Variants in PCK2 observed in about 807,000 individuals in gnomAD.
PCK2 encodes the protein phosphoenolpyruvate carboxykinase 2, mitochondrial.
PCK2 carries 56 observed loss-of-function variants against 65.9 expected under a neutral mutation model. The observed-to-expected ratio is 0.85, with a 90% CI of 0.69 to 1.06. The LOEUF (loss-of-function observed/expected upper bound fraction) is 1.06, where lower values mean the gene tolerates loss of function less well. Among genes scored for constraint, PCK2 ranks in the 50% least tolerant of loss-of-function variants. PCK2 has a pLI of 0.00. For missense variants in PCK2, 843 were observed against 863.1 expected (o/e 0.98, Z 0.29); for synonymous variants, 305 against 319.6 (o/e 0.95, Z 0.49).
chr14:24,103,832 C>A lies in PCK2; in HGVS notation c.1791C>A (p.Ser597=), dbSNP rs544648134. ...CTATAGACACCACTCAGCTGTTCTC[C>A]CTCCCCAAGGACTTCTGGGAACAGG... ...LRAIDTTQLF[S]LPKDFWEQEV... The change falls in exon 10 of 10, where the codon TCC becomes TCA. Residue 597 remains serine (S), a synonymous_variant. Transcript: ENST00000216780. 42 of 1,614,124 alleles carry A rather than the reference C, an allele frequency of 2.6e-5. No homozygotes were observed. The South Asian group carries it at 4.5e-4, about 17-fold the overall frequency.
chr14:24,098,352 G>T lies in PCK2; in HGVS notation c.425G>T (p.Arg142Leu). The change falls in exon 3 of 10, where the codon CGA (arginine) becomes CTA (leucine). Residue 142 changes from arginine to leucine, a missense_variant. Transcript: ENST00000216780. The part of the protein sequence containing the change: ...GNWMSPADFQ[R>L]AVDERFPGCM... ...TGGATGTCCCCAGCTGATTTCCAGC[G>T]AGCTGTGGATGAGAGGTTTCCAGGC... is the stretch of plus-strand genomic sequence containing the variant. The T allele has an allele frequency of 6.2e-7, 1 of 1,613,476 alleles. No homozygotes were observed. Among genetic ancestry groups the T allele is most frequent in the Non-Finnish European group, 8.5e-7 (1 of 1,179,534 alleles).
chr14:24,095,358 C>G (rs1017066823), intron 1 of PCK2: 9 of 408,994 alleles, frequency 2.2e-5, no homozygotes, highest in Middle Eastern at 8.0e-4. Flanking sequence ...GAACTTCCCT[C>G]TGAGGCAGGA....
At chr14:24,098,181 C>T (rs1279964238) in intron 2 of PCK2, 22 bp from the exon 3 acceptor site, 7 of 1,572,872 alleles carry the variant, frequency 4.5e-6, no homozygotes, top group Non-Finnish European at 6.1e-6. Flanking sequence ...CACCATCTTC[C>T]TGACAATCCC....
At position 24,103,648 on chromosome 14, in the gene PCK2, G is replaced by A. The variant is rs528726822; in HGVS notation, c.1607G>A (p.Arg536Gln). 152 of 1,614,188 alleles carry A rather than the reference G, an allele frequency of 9.4e-5. No homozygotes were observed. The highest frequency in any genetic ancestry group is 1.1e-4 in the Non-Finnish European group (131 of 1,180,020). The change falls in exon 10 of 10, where the codon CGG becomes CAG. Residue 536 changes from arginine (R) to glutamine (Q), a missense_variant. Coordinates refer to ENST00000216780, the MANE Select transcript of PCK2 (RefSeq NM_004563.4). The part of the protein sequence containing the change: ...LPRIFHVNWF[R>Q]RDEAGHFLWP... ...CGTATCTTCCATGTCAACTGGTTCC[G>A]GCGTGACGAGGCAGGGCACTTCCTG...
At chr14:24,098,807 C>A in intron 4 of PCK2, 129 bp downstream of exon 4, 1 of 789,638 alleles carries the variant, frequency 1.3e-6, no homozygotes, top group Non-Finnish European at 2.1e-6. Flanking sequence ...AGATCCAGAG[C>A]AGCAGTCCCA....
In PCK2 at chr14:24,098,215, C is replaced by T; in HGVS notation, c.288C>T (p.Arg96=). ...LPKYNNCWLA[R]TDPKDVARVE... ...CCCTCTCCCCCAGCTGGCTGGCCCGCACAGACCCCAAGGATGTGGCACGAG... is the reference window on the plus strand; with the variant it reads ...CCCTCTCCCCCAGCTGGCTGGCCCGTACAGACCCCAAGGATGTGGCACGAG... Residue 96 remains arginine (R), a synonymous_variant, in exon 3 of 10, where the codon CGC becomes CGT. Transcript: ENST00000216780. The T allele has an allele frequency of 6.2e-7, 1 of 1,610,138 alleles. No individual in the cohort carries two copies. The highest frequency in any genetic ancestry group is 8.5e-7 in the Non-Finnish European group (1 of 1,177,318).
In PCK2 at chr14:24,100,144, G is replaced by A; in HGVS notation, c.1165G>A (p.Glu389Lys). Residue 389 changes from glutamate (E) to lysine (K), a missense_variant, in exon 7 of 10, where the codon GAG (glutamate) becomes AAG (lysine). Physicochemically the swap from Glu to Lys is moderately conservative, Grantham distance 56 (BLOSUM62 1). Coordinates refer to ENST00000216780, the MANE Select transcript of PCK2 (RefSeq NM_004563.4). ...GACCAGTGATGGTGGCGTGTACTGG[G>A]AGGGCATTGACCAGCCTCTTCCACC... is the stretch of plus-strand genomic sequence containing the variant. ...AETSDGGVYW[E>K]GIDQPLPPGV... 1 of 1,613,776 alleles carries A rather than the reference G, an allele frequency of 6.2e-7. No homozygotes were observed.
Position 24,094,379 on chromosome 14 carries a change from C to A in PCK2, c.-27C>A. Reference sequence around the variant, plus strand: ...CTCCCCGGCTCCGCTCGGTTCCTGGCCACCCCGCAGCCCCTGCCCAGGTGC... The same window carrying A: ...CTCCCCGGCTCCGCTCGGTTCCTGGACACCCCGCAGCCCCTGCCCAGGTGC... On this transcript the variant is annotated 5_prime_UTR_variant, in exon 1 of 10. Transcript: ENST00000216780. The surrounding 1 kb of genome is among the most constrained non-coding windows in gnomAD (Gnocchi z 4.1). The A allele has an allele frequency of 6.5e-7, 1 of 1,544,824 alleles. No homozygotes were observed.
In PCK2 at chr14:24,094,951, A is replaced by G. The variant is rs1308692113; in HGVS notation, c.29+517A>G. ...ACTGGAAGGACTGGAACCTGGCGGG[A>G]AGTCCAGAGCAGCCCGAGGGACCTG... On this transcript the variant is annotated intron_variant, in intron 1 of 9. Coordinates refer to ENST00000216780, the MANE Select transcript of PCK2 (RefSeq NM_004563.4). This position sits in a 1 kb window ranked among gnomAD's most constrained non-coding sequence, Gnocchi z 4.1. 1.0e-6 allele frequency: 1 copy of G among 971,324 alleles called. No homozygotes were observed. The highest frequency in any genetic ancestry group is 2.5e-5 in the Admixed American group (1 of 39,986). 60.2% of individuals were successfully genotyped at this position (971,324 alleles called of 1,614,324 possible). A position where few individuals can be genotyped will look rare whatever the true frequency, so the allele number is the denominator to read the frequency against.
Position 24,103,755 on chromosome 14 carries a change from C to T in PCK2, c.1714C>T (p.Pro572Ser). The change falls in exon 10 of 10, where the codon CCC (proline) becomes TCC (serine). Residue 572 changes from proline to serine, a missense_variant. By Grantham distance (74) the Pro-to-Ser change is moderately conservative. Transcript: ENST00000216780. ...LEGEDSARETPIGLVPKEGAL... is the reference protein window; with the variant it reads ...LEGEDSARETSIGLVPKEGAL... ...GGGGGAGGACAGTGCCCGAGAGACA[C>T]CCATTGGGCTGGTGCCAAAGGAAGG... The T allele has an allele frequency of 6.2e-7, 1 of 1,614,172 alleles. No homozygotes were observed. The highest frequency in any genetic ancestry group is 8.5e-7 in the Non-Finnish European group (1 of 1,180,020).
Position 24,098,604 on chromosome 14 carries a change from C to G in PCK2, c.590C>G (p.Pro197Arg), listed in dbSNP as rs1223056560. The change falls in exon 4 of 10, where the codon CCT becomes CGT. Residue 197 changes from proline (P) to arginine (R), a missense_variant. Pro to Arg is a moderately radical substitution (Grantham distance 103). Coordinates refer to ENST00000216780, the MANE Select transcript of PCK2 (RefSeq NM_004563.4). Reference sequence around the variant, plus strand: ...CGTATTATGACCCGACTGGGGACACCTGTGCTTCAGGCCCTGGGAGATGGT... The same window carrying G: ...CGTATTATGACCCGACTGGGGACACGTGTGCTTCAGGCCCTGGGAGATGGT... ...SMRIMTRLGT[P>R]VLQALGDGDF... The G allele has an allele frequency of 6.2e-7, 1 of 1,614,116 alleles. No homozygotes were observed. Among genetic ancestry groups the G allele is most frequent in the South Asian group, 1.1e-5 (1 of 91,088 alleles).
chr14:24,102,092 G>A (rs184087972), intron 7 of PCK2, among the ~76,000 whole-genome samples: 33 of 152,254 alleles, frequency 2.2e-4, no homozygotes, highest in Non-Finnish European at 4.4e-4. Context: ...GCCAGGCATG[G>A]TGGTGGGTGC....
chr14:24,095,115 ATTTATTCTCTG>A (rs1566571670), intron 1 of PCK2: 2 of 455,836 alleles, frequency 4.4e-6, no homozygotes, highest in Non-Finnish European at 8.8e-6. Context: ...TTAGTCTCCT[ATTTATTCTCTG>A]AGGCCTCTCT....
Position 24,094,475 on chromosome 14 carries a change from T to C in PCK2, c.29+41T>C. Reference sequence around the variant, plus strand: ...CCCGGGGCCCACCCGCACCTTCCGCTGCGCTCGCCCCCTCGGGGCTGCCAG... The same window carrying C: ...CCCGGGGCCCACCCGCACCTTCCGCCGCGCTCGCCCCCTCGGGGCTGCCAG... On this transcript the variant is annotated intron_variant, in intron 1 of 9. Transcript: ENST00000216780. The surrounding 1 kb of genome is among the most constrained non-coding windows in gnomAD (Gnocchi z 4.1). 1 of 1,498,070 alleles carries C rather than the reference T, an allele frequency of 6.7e-7. No individual in the cohort carries two copies. Among genetic ancestry groups the C allele is most frequent in the African/African-American group, 1.4e-5 (1 of 70,100 alleles). 92.8% of individuals were successfully genotyped at this position (1,498,070 alleles called of 1,614,324 possible).
chr14:24,094,925 G>T lies in PCK2; in HGVS notation c.29+491G>T. 1 of 1,082,802 alleles carries T rather than the reference G, an allele frequency of 9.2e-7. No homozygotes were observed. Among genetic ancestry groups the T allele is most frequent in the South Asian group, 1.3e-5 (1 of 74,800 alleles). 67.1% of individuals were successfully genotyped at this position (1,082,802 alleles called of 1,614,324 possible). On this transcript the variant is annotated intron_variant, in intron 1 of 9. Transcript: ENST00000216780. The surrounding 1 kb of genome is among the most constrained non-coding windows in gnomAD (Gnocchi z 4.1). Reference sequence around the variant, plus strand: ...AAATATCCATTCCCGGCCTCTCCCGGACTGGAAGGACTGGAACCTGGCGGG... The same window carrying T: ...AAATATCCATTCCCGGCCTCTCCCGTACTGGAAGGACTGGAACCTGGCGGG...
chr14:24,099,071 G>C lies in PCK2; in HGVS notation c.687G>C (p.Pro229=). The change falls in exon 5 of 10, where the codon CCG becomes CCC. Residue 229 remains proline (P), a synonymous_variant. Transcript: ENST00000216780. ...TGQGEPVSQW[P]CNPEKTLIGH... Reference sequence around the variant, plus strand: ...CAGGGGAGCCAGTGAGCCAGTGGCCGTGCAACCCAGAGAAAACCCTGATTG... The same window carrying C: ...CAGGGGAGCCAGTGAGCCAGTGGCCCTGCAACCCAGAGAAAACCCTGATTG... 1 of 1,605,772 alleles carries C rather than the reference G, an allele frequency of 6.2e-7. No individual in the cohort carries two copies. The highest frequency in any genetic ancestry group is 1.3e-5 in the African/African-American group (1 of 74,914).
Position 24,098,393 on chromosome 14 carries a change from C to T in PCK2, c.460+6C>T. Reference sequence around the variant, plus strand: ...GTTTCCAGGCTGCATGCAGGGTAACCAGGGCAGGGGCACAGTGGCAAGGGC... The same window carrying T: ...GTTTCCAGGCTGCATGCAGGGTAACTAGGGCAGGGGCACAGTGGCAAGGGC... On this transcript the variant is annotated splice_donor_region_variant and intron_variant, in intron 3 of 9. Transcript: ENST00000216780. The T allele has an allele frequency of 6.2e-7, 1 of 1,611,952 alleles. No individual in the cohort carries two copies. The highest frequency in any genetic ancestry group is 8.5e-7 in the Non-Finnish European group (1 of 1,178,224).
intron 6 of PCK2, 90 bp from the exon 7 acceptor site, chr14:24,099,904 AG>A: frequency 6.2e-7 from 1 of 1,610,538 alleles, no homozygotes; most frequent in Non-Finnish European, 8.5e-7. Context: ...GGTCCATCTC[AG>A]GACAGGGGTG....
In PCK2 at chr14:24,103,641, T is replaced by G; in HGVS notation, c.1600T>G (p.Trp534Gly). The G allele has an allele frequency of 6.2e-7, 1 of 1,614,138 alleles. No homozygotes were observed. Among genetic ancestry groups the G allele is most frequent in the South Asian group, 1.1e-5 (1 of 91,082 alleles). Residue 534 changes from tryptophan (W) to glycine (G), a missense_variant, in exon 10 of 10, where the codon TGG becomes GGG. Coordinates refer to ENST00000216780, the MANE Select transcript of PCK2 (RefSeq NM_004563.4). ...GCTGCCCCGTATCTTCCATGTCAACTGGTTCCGGCGTGACGAGGCAGGGCA... is the reference window on the plus strand; with the variant it reads ...GCTGCCCCGTATCTTCCATGTCAACGGGTTCCGGCGTGACGAGGCAGGGCA... The part of the protein sequence containing the change: ...AQLPRIFHVN[W>G]FRRDEAGHFL...
Sources: gnomAD v4.1 joint callset for allele counts (sites outside exome capture counted in the v4.1 genomes callset) on GRCh38, gnomAD v4.1.1 for gene constraint, Gnocchi (gnomAD v3.1) non-coding constraint, MANE v1.5 for transcripts, NCBI Gene and HGNC (gene_info 2026-07-23, HGNC 2026-07-21) for gene names.